The following SLC39A11 variants were observed in gnomAD, a reference collection of about 807,000 sequenced individuals.
The protein encoded by SLC39A11 is zinc transporter ZIP11.
A neutral mutation model predicts 36.1 loss-of-function variants in SLC39A11; 33 were observed. The observed-to-expected ratio is 0.91, with a 90% CI of 0.69 to 1.22. The LOEUF is 1.22. Among genes scored for constraint, SLC39A11 ranks in the 50% most tolerant of loss-of-function variants. The probability of loss-of-function intolerance (pLI) is 0.00; values close to 1 mark genes in which losing one functional copy is unlikely to be tolerated. For missense variants in SLC39A11, 432 were observed against 430.3 expected, an observed-to-expected ratio of 1.00 and a Z score of -0.03; for synonymous variants, 166 against 170.3, an observed-to-expected ratio of 0.97 and a Z score of 0.20.
At chr17:73,026,830 G>A (rs115869540) in intron 4 of SLC39A11, among the ~76,000 whole-genome samples, 7 of 152,032 alleles carry the variant, frequency 4.6e-5, no homozygotes, top group Admixed American at 6.5e-5. Flanking sequence ...AACTGAAGGC[G>A]GGCCAGGTGT....
chr17:72,889,344 A>G (rs2081600424), intron 5 of SLC39A11, among the ~76,000 whole-genome samples: 1 of 152,078 alleles, frequency 6.6e-6, no homozygotes, highest in Non-Finnish European at 1.5e-5. Flanking sequence ...GTGAAACCCC[A>G]TCTCCAATAA....
intron 4 of SLC39A11, among the ~76,000 whole-genome samples, chr17:73,006,163 T>C (rs1403995077): frequency 1.3e-5 from 2 of 152,142 alleles, no homozygotes; most frequent in African/African-American, 4.8e-5. Flanking sequence ...AAGGGTGGCG[T>C]CCATGAGATG....
chr17:73,013,678 T>C (rs1568125297), intron 4 of SLC39A11, among the ~76,000 whole-genome samples: 1 of 105,558 alleles, frequency 9.5e-6, no homozygotes, highest in East Asian at 3.0e-4. Flanking sequence ...CTTAAAACAT[T>C]ATGAGGTTTT....
At chr17:72,724,013 T>C (rs1406043921) in intron 7 of SLC39A11, among the ~76,000 whole-genome samples, 4 of 152,150 alleles carry the variant, frequency 2.6e-5, no homozygotes, top group African/African-American at 7.2e-5. Flanking sequence ...GATTTCTCAG[T>C]CAAAGAAAAA....
At chr17:72,759,701 C>T (rs987926762) in intron 6 of SLC39A11, among the ~76,000 whole-genome samples, 3 of 151,936 alleles carry the variant, frequency 2.0e-5, no homozygotes, top group East Asian at 1.9e-4. Context: ...GAGAAAAGCA[C>T]AAAGCTGAAA....
chr17:72,758,771 C>G (rs879837127), intron 6 of SLC39A11, among the ~76,000 whole-genome samples: 2 of 152,230 alleles, frequency 1.3e-5, no homozygotes, highest in African/African-American at 2.4e-5. Context: ...GAAATCCCCA[C>G]CTGTGGAAGC....
intron 6 of SLC39A11, among the ~76,000 whole-genome samples, chr17:72,834,170 T>G (rs947556619): frequency 5.9e-5 from 9 of 152,232 alleles, no homozygotes; most frequent in Admixed American, 5.9e-4. Context: ...GTTCTACATC[T>G]TGTGTTGTCC....
chr17:73,075,407 C>T (rs1276475617), intron 3 of SLC39A11, among the ~76,000 whole-genome samples: 1 of 152,194 alleles, frequency 6.6e-6, no homozygotes, highest in Non-Finnish European at 1.5e-5. Flanking sequence ...ATCCTACCTC[C>T]GCCATTATCT....
At chr17:72,725,142 T>A (rs1038831919) in intron 7 of SLC39A11, among the ~76,000 whole-genome samples, 4 of 152,230 alleles carry the variant, frequency 2.6e-5, no homozygotes, top group African/African-American at 9.6e-5. Flanking sequence ...ATTATGTTTT[T>A]AAGTCACTAG....
chr17:73,028,305 C>T (rs920357981), intron 4 of SLC39A11, among the ~76,000 whole-genome samples: 20 of 152,140 alleles, frequency 1.3e-4, no homozygotes, highest in Admixed American at 5.9e-4. Context: ...GTTGGCCAAC[C>T]GCAACGACTC....
rs544388816 is a variant in SLC39A11, at chr17:72,932,105, G to A, written c.430+15647C>T. Among the ~76,000 whole-genome samples the A allele has an allele frequency of 2.0e-5, 3 of 152,154 alleles. No individual in the cohort carries two copies. In the East Asian group the frequency reaches 5.8e-4, roughly 29 times the overall value. ...GGCTATTTTTACTGTTGTCCAGACA[G>A]AATAACTAACATTCATTGAGAGCAT... On this transcript the variant is annotated intron_variant, in intron 5 of 9. Coordinates refer to ENST00000255559, the MANE Select transcript of SLC39A11 (RefSeq NM_139177.4).
intron 6 of SLC39A11, among the ~76,000 whole-genome samples, chr17:72,814,398 T>C (rs1356800600): frequency 1.3e-5 from 2 of 152,126 alleles, no homozygotes; most frequent in Non-Finnish European, 2.9e-5. Flanking sequence ...CTTGGAGAGT[T>C]GTCAGAGCTC....
intron 5 of SLC39A11, among the ~76,000 whole-genome samples, chr17:72,892,585 T>G (rs1567896334): frequency 6.6e-6 from 1 of 152,136 alleles, no homozygotes; most frequent in Non-Finnish European, 1.5e-5. Context: ...AGAGTCTATT[T>G]CCCCACTGAT....
intron 6 of SLC39A11, among the ~76,000 whole-genome samples, chr17:72,775,880 A>G (rs1268104598): frequency 6.6e-6 from 1 of 152,208 alleles, no homozygotes; most frequent in Non-Finnish European, 1.5e-5. Context: ...CCGGCTTCGT[A>G]TCTGCACGTA....
chr17:72,905,879 G>C (rs1433021448), intron 5 of SLC39A11, among the ~76,000 whole-genome samples: 1 of 151,920 alleles, frequency 6.6e-6, no homozygotes, highest in African/African-American at 2.4e-5. Context: ...TCAGCCTCCT[G>C]AGTAGCTGGG....
chr17:72,699,130 G>T (rs957138259), intron 7 of SLC39A11, among the ~76,000 whole-genome samples: 3 of 152,178 alleles, frequency 2.0e-5, no homozygotes, highest in Non-Finnish European at 2.9e-5. Context: ...CGCCTGGCCG[G>T]AGGTTGGTTC....
chr17:73,044,047 C>T (rs1311407471), intron 3 of SLC39A11, among the ~76,000 whole-genome samples: 2 of 152,008 alleles, frequency 1.3e-5, no homozygotes, highest in South Asian at 2.1e-4. Context: ...CGTAGATGGG[C>T]TTGAATGACC....
chr17:72,787,746 T>C (rs1373266776), intron 6 of SLC39A11, among the ~76,000 whole-genome samples: 2 of 152,174 alleles, frequency 1.3e-5, no homozygotes, highest in African/African-American at 2.4e-5. Flanking sequence ...AATCTGACAT[T>C]GTCTAGCTAA....
intron 6 of SLC39A11, among the ~76,000 whole-genome samples, chr17:72,749,867 C>T (rs1258555732): frequency 6.6e-6 from 1 of 152,130 alleles, no homozygotes; most frequent in Non-Finnish European, 1.5e-5. Flanking sequence ...CTCTATGACT[C>T]CAGGCTCAGA....
Sources: gnomAD v4.1 joint callset for allele counts (sites outside exome capture counted in the v4.1 genomes callset) on GRCh38, gnomAD v4.1.1 for gene constraint, MANE v1.5 for transcripts, NCBI Gene and HGNC (gene_info 2026-07-23, HGNC 2026-07-21) for gene names.